The following TBC1D5 variants were observed in gnomAD, a reference collection of about 807,000 sequenced individuals.
The protein encoded by TBC1D5 is TBC1 domain family, member 5.
TBC1D5 carries 75 observed loss-of-function variants against 100.3 expected under a neutral mutation model. The observed-to-expected ratio is 0.75, with a 90% CI of 0.62 to 0.91. The LOEUF (loss-of-function observed/expected upper bound fraction) is 0.91. Among genes scored for constraint, TBC1D5 ranks in the 40% least tolerant of loss-of-function variants. The probability of loss-of-function intolerance (pLI) is 0.00; values close to 1 mark genes in which losing one functional copy is unlikely to be tolerated. For missense variants in TBC1D5, 910 were observed against 942.4 expected (o/e 0.97, Z 0.45); for synonymous variants, 323 against 325.6 (o/e 0.99, Z 0.09).
chr3:17,698,580 A>T (rs1300647573), intron 1 of TBC1D5, among the ~76,000 whole-genome samples: 5 of 149,378 alleles, frequency 3.3e-5, no homozygotes, highest in East Asian at 2.0e-4. Context: ...GCACAGCAAA[A>T]GAAACTACCA....
chr3:17,399,595 T>C (rs894815105), intron 8 of TBC1D5, among the ~76,000 whole-genome samples: 10 of 152,092 alleles, frequency 6.6e-5, no homozygotes, highest in African/African-American at 9.7e-5. Context: ...CATTCTTACA[T>C]CCACCTTTGC....
At chr3:17,660,806 G>A (rs1196876731) in intron 1 of TBC1D5, among the ~76,000 whole-genome samples, 1 of 152,124 alleles carries the variant, frequency 6.6e-6, no homozygotes, top group African/African-American at 2.4e-5. Context: ...CAGACTATTT[G>A]GGAGTTTCTG....
intron 15 of TBC1D5, among the ~76,000 whole-genome samples, chr3:17,282,663 A>G (rs1258044148): frequency 5.3e-5 from 8 of 152,228 alleles, no homozygotes; most frequent in African/African-American, 1.9e-4. Flanking sequence ...AAAAATCACT[A>G]AACATCTCCA....
intron 1 of TBC1D5, among the ~76,000 whole-genome samples, chr3:17,651,562 T>C (rs746032647): frequency 3.9e-5 from 6 of 152,074 alleles, no homozygotes; most frequent in Non-Finnish European, 8.8e-5. Context: ...TACAAAAAAC[T>C]TCGTCGGGCA....
chr3:17,608,141 C>A (rs1275461759), intron 2 of TBC1D5, among the ~76,000 whole-genome samples: 4 of 152,078 alleles, frequency 2.6e-5, no homozygotes, highest in Non-Finnish European at 5.9e-5. Context: ...CCTGTAATCC[C>A]AGATACTAGG....
intron 13 of TBC1D5, among the ~76,000 whole-genome samples, chr3:17,354,295 G>A (rs1329501387): frequency 2.6e-5 from 4 of 152,036 alleles, no homozygotes; most frequent in African/African-American, 9.7e-5. Context: ...ACCCATTTGA[G>A]GAGTTTCTTC....
intron 14 of TBC1D5, among the ~76,000 whole-genome samples, chr3:17,299,252 G>A (rs1178065710): frequency 2.0e-5 from 3 of 152,204 alleles, no homozygotes; most frequent in Admixed American, 1.3e-4. Flanking sequence ...GAAGATTCAT[G>A]TCCAGGGCAG....
intron 2 of TBC1D5, among the ~76,000 whole-genome samples, chr3:17,584,142 C>G (rs1204955666): frequency 6.6e-6 from 1 of 152,150 alleles, no homozygotes; most frequent in Non-Finnish European, 1.5e-5. Flanking sequence ...CACATTAAAT[C>G]CATAGAGACA....
chr3:17,495,970 A>T (rs2095702183), intron 3 of TBC1D5, among the ~76,000 whole-genome samples: 1 of 152,214 alleles, frequency 6.6e-6, no homozygotes, highest in African/African-American at 2.4e-5. Context: ...TATTCAGGCA[A>T]TAGTGTTTAC....
rs186476566 is a variant in TBC1D5, at chr3:17,479,489, T to G, written c.97+28985A>C. On this transcript the variant is annotated intron_variant, in intron 3 of 21. Transcript: ENST00000253692. ...AAACATAATATTAAAGTTGCAAAAC[T>G]CTGTGATACATTTTTACTGAAAACT... Among the ~76,000 whole-genome samples the G allele has an allele frequency of 6.6e-5, 10 of 152,356 alleles. No individual in the cohort carries two copies. In the East Asian group the frequency reaches 1.9e-3, roughly 29 times the overall value.
chr3:17,455,454 GTGTGTATATATA>G (rs1430453547), intron 3 of TBC1D5, among the ~76,000 whole-genome samples: 29 of 145,654 alleles, frequency 2.0e-4, no homozygotes, highest in East Asian at 6.0e-4. Context: ...ATATATATGT[GTGTGTATATATA>G]TGTGTATATA....
chr3:17,215,870 T>C (rs2073575885), intron 17 of TBC1D5, among the ~76,000 whole-genome samples: 1 of 152,086 alleles, frequency 6.6e-6, no homozygotes, highest in African/African-American at 2.4e-5. Flanking sequence ...ATAGTTAGAA[T>C]AGTAATTATC....
intron 13 of TBC1D5, among the ~76,000 whole-genome samples, chr3:17,333,782 T>C (rs556972194): frequency 1.3e-5 from 2 of 152,120 alleles, no homozygotes; most frequent in East Asian, 1.9e-4. Flanking sequence ...TCAGGAAATA[T>C]AGTAGGGTTG....
At chr3:17,355,293 T>C (rs1011440085) in intron 13 of TBC1D5, among the ~76,000 whole-genome samples, 2 of 152,190 alleles carry the variant, frequency 1.3e-5, no homozygotes, top group African/African-American at 4.8e-5. Flanking sequence ...TATTGTTCTA[T>C]TTATGGCACT....
rs543985257 is a variant in TBC1D5, at chr3:17,536,154, A to G, written c.-35-27549T>C. Among the ~76,000 whole-genome samples, 5 of 152,338 alleles carry G rather than the reference A, an allele frequency of 3.3e-5. No homozygotes were observed. The South Asian group carries it at 8.3e-4, about 25-fold the overall frequency. ...TATAAGAAACACTGAAGTAGTCTTT[A>G]CAAACTGTTGAAAGATACTAGTCAA... On this transcript the variant is annotated intron_variant, in intron 2 of 21. Coordinates refer to ENST00000253692, the Ensembl canonical transcript of TBC1D5.
intron 16 of TBC1D5, among the ~76,000 whole-genome samples, chr3:17,247,063 G>A (rs2076796831): frequency 6.6e-6 from 1 of 152,146 alleles, no homozygotes; most frequent in Non-Finnish European, 1.5e-5. Context: ...TGACCTCTCT[G>A]GGCAGGAATT....
intron 2 of TBC1D5, among the ~76,000 whole-genome samples, chr3:17,573,540 C>T (rs1425546730): frequency 6.6e-6 from 1 of 152,020 alleles, no homozygotes; most frequent in African/African-American, 2.4e-5. Flanking sequence ...GTATAACCCA[C>T]AAGACTCTTC....
intron 19 of TBC1D5, among the ~76,000 whole-genome samples, chr3:17,171,938 G>A (rs535831308): frequency 6.6e-6 from 1 of 152,288 alleles, no homozygotes; most frequent in East Asian, 1.9e-4. Flanking sequence ...AGAAAGCAGT[G>A]CAGAGTGGGT....
intron 13 of TBC1D5, among the ~76,000 whole-genome samples, chr3:17,318,815 G>A (rs1461465195): frequency 1.3e-5 from 2 of 152,188 alleles, no homozygotes; most frequent in Non-Finnish European, 1.5e-5. Context: ...TATGTCATCT[G>A]TGTGGTAGCT....
Sources: gnomAD v4.1 joint callset for allele counts (sites outside exome capture counted in the v4.1 genomes callset) on GRCh38, gnomAD v4.1.1 for gene constraint, MANE v1.5 for transcripts, NCBI Gene and HGNC (gene_info 2026-07-23, HGNC 2026-07-21) for gene names.